The following INPP5A variants were observed in gnomAD, a reference collection of about 807,000 sequenced individuals.
INPP5A encodes the protein 43 kDa inositol polyphosphate 5-phophatase.
In INPP5A, 14 loss-of-function variants were observed where a neutral mutation model predicts 65.2. The ratio of observed to expected loss-of-function variants is 0.21; its 90% confidence interval spans 0.14 to 0.34. The LOEUF (loss-of-function observed/expected upper bound fraction) is 0.34, where lower values mean the gene tolerates loss of function less well. INPP5A is among the 10% of genes least tolerant of loss of function. INPP5A has a pLI of 1.00. For missense variants in INPP5A, 431 were observed against 545.6 expected (o/e 0.79, Z 2.09); for synonymous variants, 207 against 208.3 (o/e 0.99, Z 0.05).
At chr10:132,548,792 CTTTTTTTTT>C (rs71013535) in intron 1 of INPP5A, among the ~76,000 whole-genome samples, 2 of 79,270 alleles carry the variant, frequency 2.5e-5, no homozygotes, top group East Asian at 8.0e-4. Context: ...GTTTATCTGG[CTTTTTTTTT>C]TTTTTTTTTT....
In INPP5A at chr10:132,707,713, G is replaced by T. The variant is rs1042078463; in HGVS notation, c.475-600G>T. On this transcript the variant is annotated intron_variant, in intron 6 of 15. Transcript: ENST00000368594. The surrounding 1 kb of genome is among the most constrained non-coding windows in gnomAD (Gnocchi z 5.5). ...CTGTTGACTGTTTCACTTGAATTTTGGGGGTACTTTTAGACCAGAGCTCAG... is the reference window on the plus strand; with the variant it reads ...CTGTTGACTGTTTCACTTGAATTTTTGGGGTACTTTTAGACCAGAGCTCAG... Among the ~76,000 whole-genome samples the T allele has an allele frequency of 1.3e-5, 2 of 152,158 alleles. No individual in the cohort carries two copies. The highest frequency in any genetic ancestry group is 4.8e-5 in the African/African-American group (2 of 41,432).
At chr10:132,742,954 C>G (rs1846300886) in intron 9 of INPP5A, among the ~76,000 whole-genome samples, 1 of 152,216 alleles carries the variant, frequency 6.6e-6, no homozygotes, top group Non-Finnish European at 1.5e-5. Context: ...GAAATTCGAC[C>G]CAGCCGGCCT....
In INPP5A at chr10:132,763,720, CAT is replaced by C. The variant is rs573587054; in HGVS notation, c.904-2052_904-2051del. Among the ~76,000 whole-genome samples the C allele has an allele frequency of 9.5e-4, 144 of 151,894 alleles. 3 individuals carry two copies. Among genetic ancestry groups the C allele is most frequent in the South Asian group, 2.5e-3 (12 of 4,820 alleles). ...ACACACATGCCTGTGTATGCATAAA[CAT>C]GTGCCTGCATGCACACACATGCCTG... On this transcript the variant is annotated intron_variant, in intron 11 of 15. Transcript: ENST00000368594.
At chr10:132,761,004 C>T (rs182795601) in intron 11 of INPP5A, among the ~76,000 whole-genome samples, 108 of 152,256 alleles carry the variant, frequency 7.1e-4, no homozygotes, top group African/African-American at 2.3e-3. Flanking sequence ...AGTTTGCATC[C>T]GCATAATATA....
intron 11 of INPP5A, among the ~76,000 whole-genome samples, chr10:132,759,941 A>G (rs1426086970): frequency 6.6e-6 from 1 of 152,118 alleles, no homozygotes; most frequent in Non-Finnish European, 1.5e-5. Flanking sequence ...ACACTCACTC[A>G]GGGCTGCGGC....
Position 132,688,774 on chromosome 10 carries a change from GAGTTCGTGTGTGAGCA to G in INPP5A, c.307-1614_307-1599del, listed in dbSNP as rs550304192. 2.1e-3 allele frequency among the ~76,000 whole-genome samples: 323 copies of G among 152,188 alleles called. 4 individuals are homozygous for G. The highest frequency in any genetic ancestry group is 6.4e-3 in the African/African-American group (265 of 41,516). ...AGCAAGTGCATGTGAGTGCACGAAT[GAGTTCGTGTGTGAGCA>G]AGTGCGTGTGTGCACCAGTGTGAGT... On this transcript the variant is annotated intron_variant, in intron 4 of 15. Transcript: ENST00000368594.
rs150529263 is a variant in INPP5A at position 132,729,348 on chromosome 10, T to TAG, written c.732+2443_732+2444insAG. ...ACACACAGCCCTCAACCCTCATGGG[T>TAG]CACTGTCAGCAGTGTTTTTTGATCA... is the stretch of plus-strand genomic sequence containing the variant. On this transcript the variant is annotated intron_variant, in intron 9 of 15. Transcript: ENST00000368594. Among the ~76,000 whole-genome samples, 570 of 152,280 alleles carry TAG rather than the reference T, an allele frequency of 3.7e-3. 3 individuals are homozygous for TAG. The highest frequency in any genetic ancestry group is 0.013 in the African/African-American group (549 of 41,572).
In INPP5A at chr10:132,783,019, A is replaced by G. The variant is rs918943598; in HGVS notation, c.*990A>G. The G allele has an allele frequency of 1.3e-5, 2 of 152,454 alleles. No homozygotes were observed. Among genetic ancestry groups the G allele is most frequent in the Non-Finnish European group, 2.9e-5 (2 of 68,046 alleles). The allele number at this position is 152,454 out of a possible 1,614,324, so 9.4% of individuals were successfully genotyped here. A position where few individuals can be genotyped will look rare whatever the true frequency, so the allele number is the denominator to read the frequency against. Reference sequence around the variant, plus strand: ...AGAAATAGCCTAGTTTGCTTCCAATAGAAACTGCTTTTAACATGGGCTGTA... The same window carrying G: ...AGAAATAGCCTAGTTTGCTTCCAATGGAAACTGCTTTTAACATGGGCTGTA... On this transcript the variant is annotated 3_prime_UTR_variant, in exon 16 of 16. Coordinates refer to ENST00000368594, the MANE Select transcript of INPP5A (RefSeq NM_005539.5).
chr10:132,647,065 A>T (rs2072506856), intron 3 of INPP5A, among the ~76,000 whole-genome samples: 1 of 152,092 alleles, frequency 6.6e-6, no homozygotes, highest in Non-Finnish European at 1.5e-5. Flanking sequence ...TGCTAAAAAA[A>T]ACTGCCACAA....
At chr10:132,673,261 A>G (rs2072917091) in intron 4 of INPP5A, among the ~76,000 whole-genome samples, 1 of 152,202 alleles carries the variant, frequency 6.6e-6, no homozygotes, top group Non-Finnish European at 1.5e-5. Context: ...TCCCTCTGGA[A>G]CTAATAACGC....
chr10:132,628,976 CT>C (rs1044261789), intron 2 of INPP5A, among the ~76,000 whole-genome samples: 12 of 152,178 alleles, frequency 7.9e-5, no homozygotes, highest in African/African-American at 2.9e-4. Flanking sequence ...GACATGTTAT[CT>C]GTTTTTGTGT....
intron 1 of INPP5A, among the ~76,000 whole-genome samples, chr10:132,573,151 T>C (rs12761985): frequency 8.3e-3 from 988 of 119,254 alleles, no homozygotes; most frequent in Admixed American, 0.019. Flanking sequence ...TTGGGGTGTG[T>C]GTGCCGTGTG....
intron 1 of INPP5A, among the ~76,000 whole-genome samples, chr10:132,593,239 G>A (rs572248884): frequency 3.3e-5 from 5 of 152,132 alleles, no homozygotes; most frequent in African/African-American, 7.2e-5. Context: ...GCATGGGCGC[G>A]CCGTCTTCCC....
Position 132,697,923 on chromosome 10 carries a change from C to A in INPP5A, c.474+4C>A, listed in dbSNP as rs759890080. ...TCCGCAGGACTACTTCCCCGAGGTA[C>A]GTAGCGAGGCTTTCTCACTGACGTG... On this transcript the variant is annotated splice_donor_region_variant and intron_variant, in intron 6 of 15. Transcript: ENST00000368594. The surrounding 1 kb of genome is among the most constrained non-coding windows in gnomAD (Gnocchi z 5.6). The A allele has an allele frequency of 1.3e-6, 2 of 1,584,998 alleles. No individual in the cohort carries two copies. The highest frequency in any genetic ancestry group is 8.7e-7 in the Non-Finnish European group (1 of 1,154,212).
intron 8 of INPP5A, among the ~76,000 whole-genome samples, chr10:132,724,517 G>T (rs1443309710): frequency 6.6e-6 from 1 of 152,234 alleles, no homozygotes; most frequent in Non-Finnish European, 1.5e-5. Context: ...AAAACGGAAA[G>T]GCCAGCCCCA....
intron 1 of INPP5A, among the ~76,000 whole-genome samples, chr10:132,564,704 G>A (rs2071251895): frequency 6.6e-6 from 1 of 152,266 alleles, no homozygotes; most frequent in South Asian, 2.1e-4. Flanking sequence ...GGAGTGTGCA[G>A]TGTGACTTTT....
chr10:132,778,775 C>T (rs1429468044), intron 13 of INPP5A, among the ~76,000 whole-genome samples: 1 of 152,190 alleles, frequency 6.6e-6, no homozygotes, highest in African/African-American at 2.4e-5. Flanking sequence ...CCGACTTCAA[C>T]ACCAGCTGTG....
In INPP5A at chr10:132,712,486, G is replaced by C. The variant is rs117662234; in HGVS notation, c.647+2030G>C. On this transcript the variant is annotated intron_variant, in intron 8 of 15. Coordinates refer to ENST00000368594, the MANE Select transcript of INPP5A (RefSeq NM_005539.5). ...GTGGTGTGGATGTGTGTGGGTACAT[G>C]TCTATTTGGGTGTGTGCACACTTGC... Among the ~76,000 whole-genome samples, 445 of 149,372 alleles carry C rather than the reference G, an allele frequency of 3.0e-3. 1 individual carries two copies. Among genetic ancestry groups the C allele is most frequent in the Non-Finnish European group, 5.5e-3 (372 of 67,180 alleles).
At position 132,644,563 on chromosome 10, in the gene INPP5A, A is replaced by G. The variant is rs912247014; in HGVS notation, c.118-1305A>G. ...ATGCCCACAGCTCCACCTGGCTCACAGTGAGTGCCGTGTCGTCGTGAGCAC... is the reference window on the plus strand; with the variant it reads ...ATGCCCACAGCTCCACCTGGCTCACGGTGAGTGCCGTGTCGTCGTGAGCAC... On this transcript the variant is annotated intron_variant, in intron 2 of 15. Coordinates refer to ENST00000368594, the MANE Select transcript of INPP5A (RefSeq NM_005539.5). The surrounding 1 kb of genome is among the most constrained non-coding windows in gnomAD (Gnocchi z 6.5). Among the ~76,000 whole-genome samples, 1 of 152,244 alleles carries G rather than the reference A, an allele frequency of 6.6e-6. No individual in the cohort carries two copies. The highest frequency in any genetic ancestry group is 2.4e-5 in the African/African-American group (1 of 41,458).
Sources: allele counts gnomAD v4.1 joint callset (sites outside exome capture counted in the v4.1 genomes callset), GRCh38; gene constraint gnomAD v4.1.1; non-coding constraint Gnocchi (gnomAD v3.1); transcripts MANE v1.5; gene names NCBI Gene and HGNC (gene_info 2026-07-23, HGNC 2026-07-21).